COL27A1: variants seen among roughly 807,000 people sequenced by gnomAD.
The protein encoded by COL27A1 is collagen type XXVII alpha 1 chain.
In COL27A1, 106 loss-of-function variants were observed where a neutral mutation model predicts 251.3. The ratio of observed to expected loss-of-function variants is 0.42; its 90% CI spans 0.36 to 0.50. The LOEUF is 0.50. COL27A1 is among the 20% of genes least tolerant of loss of function. The pLI is 0.00. For synonymous variants in COL27A1, 1,000 were observed against 986.3 expected (o/e 1.01, Z -0.26); for missense variants, 2,325 against 2,522.8 (o/e 0.92, Z 1.68).
At chr9:114,246,153 C>A in intron 24 of COL27A1, 1 of 461,524 alleles carries the variant, frequency 2.2e-6, no homozygotes, top group Non-Finnish European at 3.8e-6. Context: ...TGACTCTACA[C>A]ACAGGTTTTT....
chr9:114,232,523 C>T (rs573334768), intron 16 of COL27A1, among the ~76,000 whole-genome samples: 1 of 152,334 alleles, frequency 6.6e-6, no homozygotes, highest in East Asian at 1.9e-4. Context: ...TGCCTAGCCT[C>T]TTCAGACCTT....
intron 36 of COL27A1, 86 bp from the exon 37 acceptor site, chr9:114,275,575 T>C: frequency 1.2e-6 from 1 of 860,010 alleles, no homozygotes. Context: ...GATGCCTGAA[T>C]GGAGCCCTGA....
chr9:114,194,445 C>A lies in COL27A1; in HGVS notation c.2058C>A (p.His686Gln). 1 of 1,612,206 alleles carries A rather than the reference C, an allele frequency of 6.2e-7. No individual in the cohort carries two copies. The highest frequency in any genetic ancestry group is 8.5e-7 in the Non-Finnish European group (1 of 1,179,176). ...CAGGGCTCTCACCAGGAAAGGCCCA[C>A]GATGGGGCAAAGGTAGGTTTCCAGG... Reference protein sequence around the residue: ...GDPGLSPGKAHDGAKGDMGLP... With the variant: ...GDPGLSPGKAQDGAKGDMGLP... Residue 686 changes from histidine (H) to glutamine (Q), a missense_variant, in exon 6 of 61, where the codon CAC becomes CAA. Physicochemically the swap from His to Gln is conservative, Grantham distance 24. Coordinates refer to ENST00000356083, the MANE Select transcript of COL27A1 (RefSeq NM_032888.4).
intron 1 of COL27A1, among the ~76,000 whole-genome samples, chr9:114,160,128 G>T (rs1270975892): frequency 6.6e-6 from 1 of 151,882 alleles, no homozygotes; most frequent in African/African-American, 2.4e-5. Context: ...GGGAATTAAG[G>T]CTTTGGGAAG....
intron 49 of COL27A1, among the ~76,000 whole-genome samples, chr9:114,297,529 A>G (rs983074453): frequency 6.6e-6 from 1 of 152,254 alleles, no homozygotes; most frequent in Non-Finnish European, 1.5e-5. Flanking sequence ...CAACTGTTGG[A>G]AATCAATCAA....
intron 49 of COL27A1, 45 bp from the exon 50 acceptor site, chr9:114,300,025 T>G: frequency 1.2e-6 from 2 of 1,606,990 alleles, no homozygotes; most frequent in Non-Finnish European, 1.7e-6. Context: ...CGGGACACGC[T>G]GACCATGAGC....
chr9:114,248,759 A>G (rs1833323998), intron 24 of COL27A1, among the ~76,000 whole-genome samples: 1 of 152,172 alleles, frequency 6.6e-6, no homozygotes, highest in Non-Finnish European at 1.5e-5. Context: ...GTTTCTTGTT[A>G]GAGGTTTATG....
At chr9:114,180,028 T>G (rs1446613636) in intron 4 of COL27A1, among the ~76,000 whole-genome samples, 3 of 151,904 alleles carry the variant, frequency 2.0e-5, no homozygotes, top group African/African-American at 7.3e-5. Flanking sequence ...TTAGTAGACA[T>G]GGGGTTTCAC....
intron 34 of COL27A1, 92 bp from the exon 35 acceptor site, chr9:114,269,149 C>T (rs1834949450): frequency 2.4e-6 from 2 of 826,002 alleles, no homozygotes. Context: ...CCTCCCACAC[C>T]CCAAAGTCAG....
At chr9:114,160,155 ATTTTTTTT>A (rs3034121) in intron 1 of COL27A1, among the ~76,000 whole-genome samples, 2 of 142,350 alleles carry the variant, frequency 1.4e-5, no homozygotes, top group African/African-American at 5.1e-5. Context: ...TTTAAAGTCT[ATTTTTTTT>A]TTTTTTTTTG....
At chr9:114,234,212 TAAAAA>T (rs11415885) in intron 16 of COL27A1, among the ~76,000 whole-genome samples, 4 of 89,354 alleles carry the variant, frequency 4.5e-5, no homozygotes, top group Admixed American at 1.3e-4. Flanking sequence ...TCTTGGACAT[TAAAAA>T]AAAAAAAAAA....
chr9:114,260,474 G>A (rs1420803259), intron 28 of COL27A1, among the ~76,000 whole-genome samples: 4 of 152,224 alleles, frequency 2.6e-5, no homozygotes, highest in Admixed American at 2.6e-4. Context: ...GTCCTGATCA[G>A]CTCCCGGTTT....
At chr9:114,237,060 C>T (rs1832450157) in intron 18 of COL27A1, 26 bp downstream of exon 18, 3 of 1,578,584 alleles carry the variant, frequency 1.9e-6, no homozygotes, top group Admixed American at 1.8e-5. Context: ...TCCAGCACCC[C>T]CAAACCTCAC....
Position 114,284,997 on chromosome 9 carries a change from C to G in COL27A1, c.3987+220C>G, listed in dbSNP as rs535459327. 2.2e-4 allele frequency among the ~76,000 whole-genome samples: 33 copies of G among 152,324 alleles called. No homozygotes were observed. In the South Asian group the frequency reaches 5.6e-3, roughly 26 times the overall value. ...CTATGTGCTGGGTATCATCTTTGTA[C>G]CCAGCGCTGGAACGAAAACATGCAA... On this transcript the variant is annotated intron_variant, in intron 41 of 60. Coordinates refer to ENST00000356083, the MANE Select transcript of COL27A1 (RefSeq NM_032888.4).
chr9:114,289,379 A>T, intron 45 of COL27A1, 84 bp downstream of exon 45: 1 of 1,322,012 alleles, frequency 7.6e-7, no homozygotes, highest in Non-Finnish European at 1.0e-6. Flanking sequence ...AACCAAACGC[A>T]GGCTGCAGAG....
chr9:114,247,792 A>G (rs956050355), intron 24 of COL27A1, among the ~76,000 whole-genome samples: 4 of 152,214 alleles, frequency 2.6e-5, no homozygotes, highest in African/African-American at 9.7e-5. Flanking sequence ...TTTTCTGTTC[A>G]CTGCAGGATC....
At position 114,196,393 on chromosome 9, in the gene COL27A1, T is replaced by A. The variant is rs112979328; in HGVS notation, c.2124+381T>A. Among the ~76,000 whole-genome samples the A allele has an allele frequency of 8.8e-3, 1,343 of 152,336 alleles. 23 individuals are homozygous for A. The highest frequency in any genetic ancestry group is 0.029 in the African/African-American group (1,198 of 41,576). On this transcript the variant is annotated intron_variant, in intron 7 of 60. Coordinates refer to ENST00000356083, the MANE Select transcript of COL27A1 (RefSeq NM_032888.4). The stretch of plus-strand genomic sequence containing the variant: ...TGAGAGGCCGTGGGCCTGCGAGTCC[T>A]GTCTCTGCCCCTCAGCCTCCTCCTA...
intron 24 of COL27A1, among the ~76,000 whole-genome samples, chr9:114,247,285 T>C (rs976819109): frequency 4.6e-5 from 7 of 152,198 alleles, no homozygotes; most frequent in Non-Finnish European, 1.0e-4. Flanking sequence ...CAGCAATGAT[T>C]GTAATGTGCC....
At chr9:114,219,025 TC>T in intron 12 of COL27A1, among the ~76,000 whole-genome samples, 1 of 151,988 alleles carries the variant, frequency 6.6e-6, no homozygotes, top group Non-Finnish European at 1.5e-5. Context: ...AGAACAGGTT[TC>T]CCCCAACTCC....
Sources: allele counts gnomAD v4.1 joint callset (sites outside exome capture counted in the v4.1 genomes callset), GRCh38; gene constraint gnomAD v4.1.1; transcripts MANE v1.5; gene names NCBI Gene and HGNC (gene_info 2026-07-23, HGNC 2026-07-21).